The following ZFC3H1 variants were observed in gnomAD, a reference collection of about 807,000 sequenced individuals.
ZFC3H1 encodes the protein zinc finger C3H1-type containing, also known as zinc finger C3H1 domain-containing protein.
ZFC3H1 carries 71 observed loss-of-function variants against 243.7 expected under a neutral mutation model. The observed-to-expected ratio is 0.29, with a 90% CI of 0.24 to 0.36. ZFC3H1 has a LOEUF of 0.36. ZFC3H1 is among the 10% of genes least tolerant of loss of function. ZFC3H1 has a pLI of 1.00. For synonymous variants in ZFC3H1, 838 were observed against 813.0 expected (o/e 1.03, Z -0.52); for missense variants, 1,966 against 2,317.1 (o/e 0.85, Z 3.11).
chr12:71,660,022 T>C (rs1339955162), intron 1 of ZFC3H1, among the ~76,000 whole-genome samples: 1 of 152,228 alleles, frequency 6.6e-6, no homozygotes, highest in Non-Finnish European at 1.5e-5. Flanking sequence ...TTTATTCTAT[T>C]TCTTTAAAGT....
chr12:71,649,818 A>G (rs1313509477), intron 2 of ZFC3H1, among the ~76,000 whole-genome samples: 1 of 152,080 alleles, frequency 6.6e-6, no homozygotes, highest in Non-Finnish European at 1.5e-5. Flanking sequence ...AAATGGCAGC[A>G]CCTCCCTTTA....
chr12:71,627,864 G>A lies in ZFC3H1; in HGVS notation c.4017C>T (p.Tyr1339=), dbSNP rs762973148. The change falls in exon 21 of 35, where the codon TAC becomes TAT. Residue 1339 remains tyrosine (Y), a synonymous_variant. Transcript: ENST00000378743. ...CGATGTCATCAGTCTCATTTGTAAA[G>A]TATCTGACATCATCTGGAGTGACAA... ...DTVVTPDDVR[Y]FTNETDDIAN... is the part of the protein sequence containing the mutation. 11 of 1,613,750 alleles carry A rather than the reference G, an allele frequency of 6.8e-6. No individual in the cohort carries two copies. Among genetic ancestry groups the A allele is most frequent in the Admixed American group, 1.7e-5 (1 of 59,990 alleles).
chr12:71,635,309 C>T, intron 10 of ZFC3H1, 134 bp downstream of exon 10: 1 of 1,192,266 alleles, frequency 8.4e-7, no homozygotes, highest in East Asian at 2.9e-5. Context: ...CCTAATAGCA[C>T]AAATACTTAA....
Position 71,658,724 on chromosome 12 carries a change from A to G in ZFC3H1, c.599-1423T>C, listed in dbSNP as rs538322587. Among the ~76,000 whole-genome samples, 38 of 152,346 alleles carry G rather than the reference A, an allele frequency of 2.5e-4. No individual in the cohort carries two copies. In the East Asian group the frequency reaches 7.3e-3, roughly 29 times the overall value. ...ATGACCAGTTCTAAAAATGAGAATT[A>G]CCATCATCTAAGAAACAAAAATAAG... is the stretch of plus-strand genomic sequence containing the variant. On this transcript the variant is annotated intron_variant, in intron 1 of 34. Transcript: ENST00000378743.
chr12:71,633,758 G>C (rs532531110), intron 12 of ZFC3H1, among the ~76,000 whole-genome samples: 1 of 152,078 alleles, frequency 6.6e-6, no homozygotes, highest in African/African-American at 2.4e-5. Context: ...TAGTTCAAGC[G>C]ATTCTCCCGC....
In ZFC3H1 at chr12:71,657,258, T is replaced by C. The variant is rs1268681966; in HGVS notation, c.642A>G (p.Ser214=). 37 of 1,583,698 alleles carry C rather than the reference T, an allele frequency of 2.3e-5. No homozygotes were observed. Among genetic ancestry groups the C allele is most frequent in the Non-Finnish European group, 2.8e-5 (33 of 1,168,604 alleles). Reference sequence around the variant, plus strand: ...CTTCCACACAGTTTTCATTTTTTGATGAATAATTTTGTTTTCTTGATGGAG... The same window carrying C: ...CTTCCACACAGTTTTCATTTTTTGACGAATAATTTTGTTTTCTTGATGGAG... ...GRSPSRKQNY[S]SKNENCVEET... The change falls in exon 2 of 35, where the codon TCA becomes TCG. Residue 214 remains serine, a synonymous_variant. Coordinates refer to ENST00000378743, the MANE Select transcript of ZFC3H1 (RefSeq NM_144982.5).
intron 3 of ZFC3H1, 58 bp from the exon 4 acceptor site, chr12:71,645,133 TTCA>T: frequency 6.9e-7 from 1 of 1,449,204 alleles, no homozygotes; most frequent in African/African-American, 1.4e-5. Context: ...GCTTACACAT[TTCA>T]TCAAGTCAAA....
intron 2 of ZFC3H1, among the ~76,000 whole-genome samples, chr12:71,653,583 T>C (rs1299338802): frequency 6.6e-6 from 1 of 152,156 alleles, no homozygotes; most frequent in Non-Finnish European, 1.5e-5. Context: ...CATCACACAG[T>C]TCAACTACAG....
chr12:71,629,556 T>TACAC (rs35067681), intron 19 of ZFC3H1, 53 bp downstream of exon 19: 72,282 of 680,238 alleles, frequency 0.11, 1,004 homozygotes, highest in Non-Finnish European at 0.12. Context: ...AGAGATACAG[T>TACAC]ACACACACAC....
At chr12:71,656,609 TTTTCTTTAAATTAGGAAA>T in intron 2 of ZFC3H1, 1 of 614,648 alleles carries the variant, frequency 1.6e-6, no homozygotes, top group Non-Finnish European at 2.8e-6. Flanking sequence ...GTCAAAACCA[TTTTCTTTAAATTAGGAAA>T]CAAAGGTGTC....
rs138434454 is a variant in ZFC3H1, at chr12:71,662,464, G to A, written c.598+549C>T. On this transcript the variant is annotated intron_variant, in intron 1 of 34. Coordinates refer to ENST00000378743, the MANE Select transcript of ZFC3H1 (RefSeq NM_144982.5). ...ATCAAAAAGCTCTGAAACAGACTTGGTAAAGACACCAGAGTTGTTTTTTTT... is the reference window on the plus strand; with the variant it reads ...ATCAAAAAGCTCTGAAACAGACTTGATAAAGACACCAGAGTTGTTTTTTTT... Among the ~76,000 whole-genome samples, 111 of 150,954 alleles carry A rather than the reference G, an allele frequency of 7.4e-4. 1 individual carries two copies. In the East Asian group the frequency reaches 0.015, roughly 21 times the overall value.
chr12:71,648,756 A>G (rs909506044), intron 2 of ZFC3H1, among the ~76,000 whole-genome samples: 19 of 152,226 alleles, frequency 1.2e-4, no homozygotes, highest in African/African-American at 4.6e-4. Context: ...GGCTTAGTCT[A>G]TAAATGTGAA....
chr12:71,642,601 C>T, intron 5 of ZFC3H1, 42 bp from the exon 6 acceptor site: 2 of 1,570,724 alleles, frequency 1.3e-6, no homozygotes, highest in Non-Finnish European at 1.7e-6. Flanking sequence ...CATTTTCTGT[C>T]TTGGGTTACA....
rs1193065168 is a variant in ZFC3H1 at position 71,647,727 on chromosome 12, G to A, written c.1080+22C>T. On this transcript the variant is annotated intron_variant, in intron 3 of 34. Transcript: ENST00000378743. Reference sequence around the variant, plus strand: ...AAAAATGGGTCTTACAGAGATGATAGTCTCACAAAGCAGTATCTTACCTTT... The same window carrying A: ...AAAAATGGGTCTTACAGAGATGATAATCTCACAAAGCAGTATCTTACCTTT... 4 of 1,381,922 alleles carry A rather than the reference G, an allele frequency of 2.9e-6. No individual in the cohort carries two copies. In the East Asian group the frequency reaches 7.5e-5, roughly 26 times the overall value. The allele number at this position is 1,381,922 out of a possible 1,614,324, so 85.6% of individuals were successfully genotyped here. A position where few individuals can be genotyped will look rare whatever the true frequency, so the allele number is the denominator to read the frequency against.
At chr12:71,632,596 A>G in intron 14 of ZFC3H1, 82 bp from the exon 15 acceptor site, 1 of 1,431,032 alleles carries the variant, frequency 7.0e-7, no homozygotes, top group Non-Finnish European at 9.3e-7. Context: ...TGCTATCCCC[A>G]CCATACAATG....
chr12:71,637,907 T>C (rs1880504967), intron 7 of ZFC3H1, among the ~76,000 whole-genome samples: 1 of 152,178 alleles, frequency 6.6e-6, no homozygotes, highest in South Asian at 2.1e-4. Flanking sequence ...TTCCTTTTAT[T>C]GTTTTTATTT....
intron 1 of ZFC3H1, 114 bp downstream of exon 1, chr12:71,662,899 G>T: frequency 9.5e-7 from 1 of 1,053,960 alleles, no homozygotes. Flanking sequence ...TACTGACACA[G>T]GGAGAAATAA....
chr12:71,656,876 T>C lies in ZFC3H1; in HGVS notation c.1015+9A>G. On this transcript the variant is annotated intron_variant, in intron 2 of 34. Transcript: ENST00000378743. ...AGTCATTACTAACTGAAATATTTAATTCCATTACCTTGACTAGAATCAGTA... is the reference window on the plus strand; with the variant it reads ...AGTCATTACTAACTGAAATATTTAACTCCATTACCTTGACTAGAATCAGTA... The C allele has an allele frequency of 6.3e-7, 1 of 1,594,780 alleles. No homozygotes were observed. Among genetic ancestry groups the C allele is most frequent in the Non-Finnish European group, 8.5e-7 (1 of 1,172,024 alleles).
chr12:71,656,087 A>G (rs1384999982), intron 2 of ZFC3H1, among the ~76,000 whole-genome samples: 1 of 152,164 alleles, frequency 6.6e-6, no homozygotes, highest in Non-Finnish European at 1.5e-5. Context: ...GCAAAACTAT[A>G]GGGACAGATC....
Sources: allele counts gnomAD v4.1 joint callset (sites outside exome capture counted in the v4.1 genomes callset), GRCh38; gene constraint gnomAD v4.1.1; transcripts MANE v1.5; gene names NCBI Gene and HGNC (gene_info 2026-07-23, HGNC 2026-07-21).